Variants in LCP1 observed in about 807,000 individuals in gnomAD.
LCP1 encodes plastin-2.
A neutral mutation model predicts 72.0 loss-of-function variants in LCP1; 23 were observed. That is an observed-to-expected ratio of 0.32 (90% CI 0.23 to 0.45). LCP1 has a LOEUF of 0.45. LCP1 is among the 20% of genes least tolerant of loss of function. The pLI is 1.00. For synonymous variants in LCP1, 245 were observed against 275.4 expected (o/e 0.89, Z 1.09); for missense variants, 571 against 748.3 (o/e 0.76, Z 2.76).
chr13:46,157,966 A>G (rs2045813936), intron 4 of LCP1, among the ~76,000 whole-genome samples: 1 of 152,058 alleles, frequency 6.6e-6, no homozygotes, highest in South Asian at 2.1e-4. Flanking sequence ...ACCTCAGGTG[A>G]TCCACCCGCC....
chr13:46,177,494 G>T (rs2045937031), intron 1 of LCP1, among the ~76,000 whole-genome samples: 1 of 152,078 alleles, frequency 6.6e-6, no homozygotes. Flanking sequence ...CAAAAAATTA[G>T]CCGGGCGTGG....
intron 1 of LCP1, among the ~76,000 whole-genome samples, chr13:46,172,691 G>A (rs188160758): frequency 2.0e-5 from 3 of 152,246 alleles, no homozygotes; most frequent in African/African-American, 7.2e-5. Context: ...AAACCTCGGT[G>A]ATGCAGGCTA....
chr13:46,148,771 T>C, intron 8 of LCP1: 1 of 844,960 alleles, frequency 1.2e-6, no homozygotes, highest in East Asian at 9.7e-5. Flanking sequence ...TACAGGAAAA[T>C]ATATATATAC....
chr13:46,128,531 G>T (rs187448618), intron 15 of LCP1, among the ~76,000 whole-genome samples: 1 of 152,200 alleles, frequency 6.6e-6, no homozygotes, highest in African/African-American at 2.4e-5. Flanking sequence ...CCGGGAGGCG[G>T]AGGCTGCAGT....
intron 7 of LCP1, 101 bp downstream of exon 7, chr13:46,152,679 T>C: frequency 8.3e-7 from 1 of 1,209,760 alleles, no homozygotes; most frequent in Non-Finnish European, 1.2e-6. Flanking sequence ...AACTGTGTAG[T>C]TTTCAAAACT....
At chr13:46,153,268 T>G in intron 6 of LCP1, 2 of 190,566 alleles carry the variant, frequency 1.0e-5, no homozygotes, top group Non-Finnish European at 2.2e-5. Flanking sequence ...AAAACATCTC[T>G]ATTGGCCAAA....
intron 1 of LCP1, among the ~76,000 whole-genome samples, chr13:46,161,144 GAAACCTTACATGT>G (rs534346498): frequency 1.1e-4 from 17 of 152,004 alleles, no homozygotes; most frequent in Non-Finnish European, 2.1e-4. Flanking sequence ...TTTGTTGACA[GAAACCTTACATGT>G]AAACCTTACA....
chr13:46,147,986 G>A (rs2045740719), intron 9 of LCP1, among the ~76,000 whole-genome samples: 2 of 152,212 alleles, frequency 1.3e-5, no homozygotes, highest in African/African-American at 4.8e-5. Flanking sequence ...GATATTAAAT[G>A]AGGCACAGAA....
Position 46,158,620 on chromosome 13 carries a change from G to T in LCP1, c.260C>A (p.Ala87Asp). Residue 87 changes from alanine to aspartate, a missense_variant, in exon 4 of 16, where the codon GCC (alanine) becomes GAC (aspartate). Physicochemically the swap from Ala to Asp is moderately radical, Grantham distance 126. Transcript: ENST00000323076. ...ATTGATTGCTTTTCTAAAGGTCTTG[G>T]CAACATCTGTGCTTTTTAGGCCATG... ...IFHGLKSTDV[A>D]KTFRKAINKK... The T allele has an allele frequency of 6.2e-7, 1 of 1,614,076 alleles. No individual in the cohort carries two copies. Among genetic ancestry groups the T allele is most frequent in the Non-Finnish European group, 8.5e-7 (1 of 1,179,994 alleles).
chr13:46,174,288 G>T (rs1288965751), intron 1 of LCP1, among the ~76,000 whole-genome samples: 1 of 151,038 alleles, frequency 6.6e-6, no homozygotes, highest in Non-Finnish European at 1.5e-5. Context: ...TAATTTGATG[G>T]GCTCTCTTTA....
At chr13:46,139,632 T>C (rs970671925) in intron 13 of LCP1, among the ~76,000 whole-genome samples, 44 of 152,204 alleles carry the variant, frequency 2.9e-4, no homozygotes, top group African/African-American at 1.0e-3. Context: ...GCTATTAGTA[T>C]AGGGGGAAAG....
intron 8 of LCP1, among the ~76,000 whole-genome samples, chr13:46,148,983 T>C (rs902028129): frequency 6.6e-6 from 1 of 152,218 alleles, no homozygotes; most frequent in African/African-American, 2.4e-5. Flanking sequence ...GCATTTCATA[T>C]TTATCTAGAA....
In LCP1 at chr13:46,156,431, T is replaced by C. The variant is rs761200361; in HGVS notation, c.491+7A>G. On this transcript the variant is annotated splice_region_variant and intron_variant, in intron 5 of 15. Coordinates refer to ENST00000323076, the MANE Select transcript of LCP1 (RefSeq NM_002298.5). ...TCTTTGGAAACCAAGAAAGAAGTATTATTTACCAAAGGACAATGCCATCTC... is the reference window on the plus strand; with the variant it reads ...TCTTTGGAAACCAAGAAAGAAGTATCATTTACCAAAGGACAATGCCATCTC... 7.5e-6 allele frequency: 12 copies of C among 1,610,716 alleles called. No homozygotes were observed. In the East Asian group the frequency reaches 2.2e-4, roughly 30 times the overall value.
rs1244784610 is a variant in LCP1, at chr13:46,126,877, C to T, written c.*714G>A. ...TTCTAGAGTTAAAAGCAGAGGGGTTCTTAGTGGCTGAAAAAAAACAAAACC... is the reference window on the plus strand; with the variant it reads ...TTCTAGAGTTAAAAGCAGAGGGGTTTTTAGTGGCTGAAAAAAAACAAAACC... On this transcript the variant is annotated 3_prime_UTR_variant, in exon 16 of 16. Transcript: ENST00000323076. The T allele has an allele frequency of 2.2e-5, 5 of 230,524 alleles. No homozygotes were observed. The highest frequency in any genetic ancestry group is 3.4e-5 in the Non-Finnish European group (4 of 116,482). The allele number at this position is 230,524 out of a possible 1,614,324, so 14.3% of individuals were successfully genotyped here.
intron 10 of LCP1, among the ~76,000 whole-genome samples, chr13:46,145,636 G>A (rs1453312245): frequency 1.5e-5 from 2 of 134,940 alleles, no homozygotes; most frequent in Admixed American, 7.6e-5. Context: ...CAGGCCGGGC[G>A]CGGTGGCTCA....
intron 1 of LCP1, among the ~76,000 whole-genome samples, chr13:46,163,395 G>T (rs868390132): frequency 2.0e-5 from 3 of 152,096 alleles, no homozygotes; most frequent in African/African-American, 7.2e-5. Context: ...ATGGATTAAG[G>T]GCGGTGCCAG....
At chr13:46,158,677 A>C in intron 3 of LCP1, 26 bp from the exon 4 acceptor site, 1 of 1,613,934 alleles carries the variant, frequency 6.2e-7, no homozygotes. Flanking sequence ...GTATCTTTAG[A>C]AACTCAAGCA....
intron 13 of LCP1, 152 bp downstream of exon 13, chr13:46,142,140 A>G: frequency 5.3e-6 from 4 of 761,222 alleles, no homozygotes; most frequent in Non-Finnish European, 8.2e-6. Flanking sequence ...ACTGAAAAAA[A>G]AAAAGCAGAA....
In LCP1 at chr13:46,130,883, G is replaced by T. The variant is rs752733909; in HGVS notation, c.1682C>A (p.Pro561Gln). ...PVLDLIDAIQPGSINYDLLKT... is the reference protein window; with the variant it reads ...PVLDLIDAIQQGSINYDLLKT... Reference sequence around the variant, plus strand: ...CAGAAGGTCATAGTTAATGGAACCTGGTTGGATGGCATCGATGAGGTCCAG... The same window carrying T: ...CAGAAGGTCATAGTTAATGGAACCTTGTTGGATGGCATCGATGAGGTCCAG... Residue 561 changes from proline to glutamine, a missense_variant, in exon 15 of 16, where the codon CCA becomes CAA. Pro to Gln is a moderately conservative substitution (Grantham distance 76). Coordinates refer to ENST00000323076, the MANE Select transcript of LCP1 (RefSeq NM_002298.5). 5.6e-6 allele frequency: 9 copies of T among 1,612,836 alleles called. No individual in the cohort carries two copies. The highest frequency in any genetic ancestry group is 7.6e-6 in the Non-Finnish European group (9 of 1,179,546).
Sources: gnomAD v4.1 joint callset for allele counts (sites outside exome capture counted in the v4.1 genomes callset) on GRCh38, gnomAD v4.1.1 for gene constraint, MANE v1.5 for transcripts, NCBI Gene and HGNC (gene_info 2026-07-23, HGNC 2026-07-21) for gene names.